The following SORCS1 variants were observed in gnomAD, a reference collection of about 807,000 sequenced individuals.
SORCS1 encodes sortilin related VPS10 domain containing receptor 1.
In SORCS1, 60 loss-of-function variants were observed where a neutral mutation model predicts 146.1. That is an observed-to-expected ratio of 0.41 (90% CI 0.33 to 0.51). The LOEUF (loss-of-function observed/expected upper bound fraction) is 0.51, where lower values mean the gene tolerates loss of function less well. Among genes scored for constraint, SORCS1 ranks in the 20% least tolerant of loss-of-function variants. The pLI is 0.21. For synonymous variants in SORCS1, 637 were observed against 584.0 expected (o/e 1.09, Z -1.31); for missense variants, 1,352 against 1,487.6 (o/e 0.91, Z 1.50).
At chr10:106,956,480 C>T in intron 2 of SORCS1, 33 bp downstream of exon 2, 2 of 1,602,626 alleles carry the variant, frequency 1.2e-6, no homozygotes, top group Non-Finnish European at 1.7e-6. Context: ...GCTTAAATAA[C>T]ACGGTAATTA....
At position 106,574,684 on chromosome 10, in the gene SORCS1, A is replaced by C. The variant is rs1398500322; in HGVS notation, c.*2736T>G. On this transcript the variant is annotated 3_prime_UTR_variant, in exon 26 of 26. Transcript: ENST00000263054. ...CAGAATCTGGATCTCTAACTAGCCC[A>C]AGTGATAGTGATACTGCTGATCCAG... The C allele has an allele frequency of 6.6e-6, 1 of 152,168 alleles. No homozygotes were observed. The highest frequency in any genetic ancestry group is 2.4e-5 in the African/African-American group (1 of 41,446). The allele number at this position is 152,168 out of a possible 1,614,324, so 9.4% of individuals were successfully genotyped here. A position where few individuals can be genotyped will look rare whatever the true frequency, so the allele number is the denominator to read the frequency against.
rs1247706270 is a variant in SORCS1, at chr10:106,576,749, A to T, written c.*671T>A. On this transcript the variant is annotated 3_prime_UTR_variant, in exon 26 of 26. Coordinates refer to ENST00000263054, the MANE Select transcript of SORCS1 (RefSeq NM_052918.5). ...CCAAAGCTAACTTAGAAGGGAAATG[A>T]CAGTATGGAAAGTGGAACAGAGAAA... The T allele has an allele frequency of 1.3e-5, 2 of 154,998 alleles. No homozygotes were observed. The highest frequency in any genetic ancestry group is 2.9e-5 in the Non-Finnish European group (2 of 69,990). 9.6% of individuals were successfully genotyped at this position (154,998 alleles called of 1,614,324 possible).
intron 5 of SORCS1, among the ~76,000 whole-genome samples, chr10:106,742,391 T>C (rs1398506402): frequency 6.6e-6 from 1 of 152,132 alleles, no homozygotes; most frequent in Non-Finnish European, 1.5e-5. Context: ...TACACAATTT[T>C]TTTTTTGAGA....
At chr10:106,745,351 C>T (rs1461389626) in intron 5 of SORCS1, among the ~76,000 whole-genome samples, 1 of 149,924 alleles carries the variant, frequency 6.7e-6, no homozygotes, top group East Asian at 2.0e-4. Context: ...GTGGAGCTTG[C>T]AATAAGCGGA....
At chr10:106,915,902 G>T (rs71475429) in intron 2 of SORCS1, among the ~76,000 whole-genome samples, 1 of 152,146 alleles carries the variant, frequency 6.6e-6, no homozygotes, top group Non-Finnish European at 1.5e-5. Flanking sequence ...TCCTCCAGGA[G>T]GAGCAATGGA....
chr10:106,778,805 G>C (rs556491045), intron 3 of SORCS1, among the ~76,000 whole-genome samples: 1 of 152,146 alleles, frequency 6.6e-6, no homozygotes, highest in Non-Finnish European at 1.5e-5. Flanking sequence ...CTAGTTCCCT[G>C]TTAGCCAGAA....
intron 2 of SORCS1, among the ~76,000 whole-genome samples, chr10:106,884,915 C>G (rs537906579): frequency 2.7e-4 from 41 of 152,268 alleles, no homozygotes; most frequent in African/African-American, 9.9e-4. Flanking sequence ...ACATCTATTA[C>G]TAGGAAAGAA....
At chr10:106,640,211 G>T (rs891492194) in intron 18 of SORCS1, among the ~76,000 whole-genome samples, 1 of 152,168 alleles carries the variant, frequency 6.6e-6, no homozygotes, top group Admixed American at 6.5e-5. Context: ...TCTGATGGCT[G>T]ACAGCATCCT....
intron 24 of SORCS1, 125 bp from the exon 25 acceptor site, chr10:106,579,599 C>G: frequency 1.1e-6 from 1 of 914,450 alleles, no homozygotes; most frequent in Non-Finnish European, 1.7e-6. Flanking sequence ...GATATACACA[C>G]AAGATGCATG....
At chr10:107,106,708 G>A (rs1034677392) in intron 1 of SORCS1, among the ~76,000 whole-genome samples, 2 of 152,030 alleles carry the variant, frequency 1.3e-5, no homozygotes, top group South Asian at 2.1e-4. Context: ...TAGACTGAAT[G>A]TTTATGCCCT....
At chr10:106,801,632 C>T (rs924808401) in intron 3 of SORCS1, among the ~76,000 whole-genome samples, 67 of 151,538 alleles carry the variant, frequency 4.4e-4, no homozygotes, top group African/African-American at 1.6e-3. Flanking sequence ...CAGGTTCACG[C>T]CATTCTCCTG....
chr10:106,837,106 A>C (rs1414003212), intron 2 of SORCS1, among the ~76,000 whole-genome samples: 1 of 152,222 alleles, frequency 6.6e-6, no homozygotes, highest in East Asian at 1.9e-4. Flanking sequence ...GTCTGTGGTC[A>C]GGAGTTCCTT....
intron 17 of SORCS1, among the ~76,000 whole-genome samples, chr10:106,664,873 C>T (rs1165677536): frequency 6.6e-6 from 1 of 152,062 alleles, no homozygotes; most frequent in Non-Finnish European, 1.5e-5. Flanking sequence ...ATGCCCTTTA[C>T]AGTATCTAAA....
rs987551948 is a variant in SORCS1, at chr10:106,960,483, C to A, written c.559-3903G>T. 1.3e-5 allele frequency among the ~76,000 whole-genome samples: 2 copies of A among 151,864 alleles called. No individual in the cohort carries two copies. The highest frequency in any genetic ancestry group is 4.8e-5 in the African/African-American group (2 of 41,288). Reference sequence around the variant, plus strand: ...GCAGTGGCGTGATCTCGGCTCACTGCAACCTCCGCCTCACAGGTTCAAGCA... The same window carrying A: ...GCAGTGGCGTGATCTCGGCTCACTGAAACCTCCGCCTCACAGGTTCAAGCA... On this transcript the variant is annotated intron_variant, in intron 1 of 25. Coordinates refer to ENST00000263054, the MANE Select transcript of SORCS1 (RefSeq NM_052918.5). The surrounding 1 kb of genome is among the most constrained non-coding windows in gnomAD (Gnocchi z 4.4).
In SORCS1 at chr10:106,897,830, G is replaced by A. The variant is rs117391654; in HGVS notation, c.626+58683C>T. ...TAGTCAATGGTACACGTGAGCTCAG[G>A]ACTTTGAACTTTGAGAAACATAAGA... On this transcript the variant is annotated intron_variant, in intron 2 of 25. Coordinates refer to ENST00000263054, the MANE Select transcript of SORCS1 (RefSeq NM_052918.5). Among the ~76,000 whole-genome samples, 1,278 of 152,312 alleles carry A rather than the reference G, an allele frequency of 8.4e-3. 9 individuals carry two copies. Among genetic ancestry groups the A allele is most frequent in the Non-Finnish European group, 0.014 (957 of 68,030 alleles).
At chr10:106,693,151 T>C (rs1589675956) in intron 9 of SORCS1, among the ~76,000 whole-genome samples, 2 of 152,154 alleles carry the variant, frequency 1.3e-5, no homozygotes, top group East Asian at 3.8e-4. Flanking sequence ...TCCAAAAATG[T>C]CTAAAATCTG....
intron 2 of SORCS1, among the ~76,000 whole-genome samples, chr10:106,943,675 T>C (rs1353129681): frequency 1.3e-5 from 2 of 149,488 alleles, no homozygotes; most frequent in African/African-American, 4.9e-5. Flanking sequence ...CCGGGCATGG[T>C]GGCAGGTGCC....
chr10:106,628,870 A>C (rs943581876), intron 19 of SORCS1, among the ~76,000 whole-genome samples: 1 of 152,230 alleles, frequency 6.6e-6, no homozygotes, highest in Non-Finnish European at 1.5e-5. Context: ...TGACCCCAGC[A>C]AAACCAAATT....
At chr10:106,767,433 A>G (rs1859658056) in intron 4 of SORCS1, among the ~76,000 whole-genome samples, 1 of 152,082 alleles carries the variant, frequency 6.6e-6, no homozygotes, top group Non-Finnish European at 1.5e-5. Flanking sequence ...TCAGGTCTGG[A>G]GGTATATAGG....
Sources: allele counts gnomAD v4.1 joint callset (sites outside exome capture counted in the v4.1 genomes callset), GRCh38; gene constraint gnomAD v4.1.1; non-coding constraint Gnocchi (gnomAD v3.1); transcripts MANE v1.5; gene names NCBI Gene and HGNC (gene_info 2026-07-23, HGNC 2026-07-21).